The following CATSPERT variants were observed in gnomAD, a reference collection of about 807,000 sequenced individuals.
The protein encoded by CATSPERT is catsper channel auxiliary subunit tau, also known as cation channel sperm-associated targeting subunit tau.
At chr2:201,559,824 G>T in the CATSPERT span, among the ~76,000 whole-genome samples, 1 of 152,096 alleles carries the variant, frequency 6.6e-6, no homozygotes, top group East Asian at 1.9e-4. Context: ...TGAAAGAGGT[G>T]ACTTTTCCAT....
At chr2:201,515,897 G>A in the CATSPERT span, among the ~76,000 whole-genome samples, 1 of 152,208 alleles carries the variant, frequency 6.6e-6, no homozygotes, top group African/African-American at 2.4e-5. Context: ...CACAGTACAA[G>A]TGTGTAACAC....
At chr2:201,536,388 G>C in the CATSPERT span, 1 of 1,499,172 alleles carries the variant, frequency 6.7e-7, no homozygotes, top group Non-Finnish European at 8.9e-7. Flanking sequence ...TACAAATTAA[G>C]AAAATGACTC....
the CATSPERT span, chr2:201,603,085 G>A: frequency 9.3e-6 from 6 of 642,200 alleles, no homozygotes; most frequent in South Asian, 1.7e-4. Context: ...GAAGCAAATA[G>A]TGAATGAACA....
chr2:201,588,849 T>A, the CATSPERT span, among the ~76,000 whole-genome samples: 1 of 152,032 alleles, frequency 6.6e-6, no homozygotes, highest in East Asian at 1.9e-4. Flanking sequence ...TAATCCTACA[T>A]CTACAAAACC....
At chr2:201,597,712 T>C in the CATSPERT span, among the ~76,000 whole-genome samples, 2 of 152,174 alleles carry the variant, frequency 1.3e-5, no homozygotes, top group Non-Finnish European at 2.9e-5. Flanking sequence ...CTTCATGTAG[T>C]TTTCTGTTTC....
the CATSPERT span, among the ~76,000 whole-genome samples, chr2:201,516,234 C>G: frequency 6.6e-6 from 1 of 152,084 alleles, no homozygotes; most frequent in African/African-American, 2.4e-5. Context: ...ATGGTACTGC[C>G]GTCACATATT....
the CATSPERT span, among the ~76,000 whole-genome samples, chr2:201,563,778 C>A: frequency 1.8e-3 from 271 of 152,336 alleles, no homozygotes; most frequent in African/African-American, 6.1e-3. Context: ...AATCATCTCA[C>A]TGCACAACTG....
At chr2:201,590,847 A>T in the CATSPERT span, among the ~76,000 whole-genome samples, 1 of 150,788 alleles carries the variant, frequency 6.6e-6, no homozygotes, top group African/African-American at 2.4e-5. Flanking sequence ...TTTTCTTGTA[A>T]ATTTGTTTGA....
At chr2:201,560,480 C>T in the CATSPERT span, among the ~76,000 whole-genome samples, 455 of 145,690 alleles carry the variant, frequency 3.1e-3, 1 homozygote, top group Middle Eastern at 7.0e-3. Flanking sequence ...ACAACAACAA[C>T]AACAATAATA....
At chr2:201,589,613 AT>A in the CATSPERT span, among the ~76,000 whole-genome samples, 1 of 152,204 alleles carries the variant, frequency 6.6e-6, no homozygotes, top group Non-Finnish European at 1.5e-5. Flanking sequence ...CTCAAGATTG[AT>A]TAAATATTTA....
the CATSPERT span, among the ~76,000 whole-genome samples, chr2:201,580,491 T>A: frequency 1.3e-5 from 2 of 152,232 alleles, no homozygotes; most frequent in East Asian, 1.9e-4. Context: ...TGGTATTCTT[T>A]TGTTTTAAAA....
chr2:201,521,960 A>G, the CATSPERT span, among the ~76,000 whole-genome samples: 3 of 152,232 alleles, frequency 2.0e-5, no homozygotes, highest in African/African-American at 7.2e-5. Flanking sequence ...AAAACTCTTA[A>G]TTAGGTATAA....
chr2:201,532,132 A>G, the CATSPERT span, among the ~76,000 whole-genome samples: 1 of 152,188 alleles, frequency 6.6e-6, no homozygotes, highest in South Asian at 2.1e-4. Flanking sequence ...TGGATATAAG[A>G]GATGAGAGAA....
At chr2:201,598,299 C>G in the CATSPERT span, among the ~76,000 whole-genome samples, 1 of 152,116 alleles carries the variant, frequency 6.6e-6, no homozygotes, top group Non-Finnish European at 1.5e-5. Flanking sequence ...GAGATGGGGC[C>G]TCACTATGTT....
the CATSPERT span, among the ~76,000 whole-genome samples, chr2:201,502,601 T>A: frequency 1.3e-4 from 19 of 151,860 alleles, no homozygotes; most frequent in Non-Finnish European, 2.4e-4. Flanking sequence ...AGTCTGTTTT[T>A]ATTTGTTCCT....
At chr2:201,523,895 C>T in the CATSPERT span, among the ~76,000 whole-genome samples, 4 of 152,082 alleles carry the variant, frequency 2.6e-5, no homozygotes, top group Non-Finnish European at 4.4e-5. Flanking sequence ...AGGAAAGAAT[C>T]TCAGACCTCA....
chr2:201,599,549 T>C, the CATSPERT span, among the ~76,000 whole-genome samples: 3 of 152,326 alleles, frequency 2.0e-5, no homozygotes, highest in East Asian at 3.9e-4. Context: ...TAACAATATA[T>C]TACAATAATT....
chr2:201,585,974 C>T, the CATSPERT span, among the ~76,000 whole-genome samples: 9 of 152,102 alleles, frequency 5.9e-5, no homozygotes, highest in East Asian at 3.9e-4. Context: ...CTTCCTCCTC[C>T]GCCACCCTTG....
the CATSPERT span, among the ~76,000 whole-genome samples, chr2:201,539,655 ATGT>A: frequency 6.6e-6 from 1 of 151,588 alleles, no homozygotes; most frequent in Non-Finnish European, 1.5e-5. Flanking sequence ...TAATTTATAA[ATGT>A]TGTGTGTGTT....
Sources: gnomAD v4.1 joint callset for allele counts (sites outside exome capture counted in the v4.1 genomes callset) on GRCh38, gnomAD v4.1.1 for gene constraint, MANE v1.5 for transcripts, NCBI Gene and HGNC (gene_info 2026-07-23, HGNC 2026-07-21) for gene names.